NFXL1: variants seen among roughly 807,000 people sequenced by gnomAD.
The protein encoded by NFXL1 is NF-X1-type zinc finger protein NFXL1.
NFXL1 carries 66 observed loss-of-function variants against 123.3 expected under a neutral mutation model. The ratio of observed to expected loss-of-function variants is 0.54; its 90% CI spans 0.44 to 0.66. The LOEUF (loss-of-function observed/expected upper bound fraction) is 0.66, where lower values mean the gene tolerates loss of function less well. Among genes scored for constraint, NFXL1 ranks in the 30% least tolerant of loss-of-function variants. The pLI is 0.00. For synonymous variants in NFXL1, 346 were observed against 360.8 expected (o/e 0.96, Z 0.46); for missense variants, 944 against 1,125.6 (o/e 0.84, Z 2.31).
At chr4:47,885,225 C>T (rs1461033783) in intron 14 of NFXL1, among the ~76,000 whole-genome samples, 1 of 151,370 alleles carries the variant, frequency 6.6e-6, no homozygotes, top group African/African-American at 2.4e-5. Flanking sequence ...ATATCTATAA[C>T]CCTAAACCAC....
intron 18 of NFXL1, among the ~76,000 whole-genome samples, chr4:47,865,449 GAC>G (rs1295040961): frequency 2.1e-5 from 3 of 144,708 alleles, no homozygotes; most frequent in East Asian, 2.1e-4. Flanking sequence ...ACAACTAGAA[GAC>G]ACAAATTTCT....
At chr4:47,896,047 G>C (rs1216425144) in intron 10 of NFXL1, among the ~76,000 whole-genome samples, 1 of 152,200 alleles carries the variant, frequency 6.6e-6, no homozygotes, top group Non-Finnish European at 1.5e-5. Flanking sequence ...CAGTAGAGCA[G>C]TCAGAACACA....
chr4:47,851,762 T>C, intron 21 of NFXL1, 94 bp downstream of exon 21: 1 of 780,322 alleles, frequency 1.3e-6, no homozygotes, highest in South Asian at 1.8e-5. Context: ...AGCAAAAAAA[T>C]GAGATTTCAA....
intron 15 of NFXL1, chr4:47,882,134 C>T (rs1187244421): frequency 6.6e-6 from 1 of 151,528 alleles, no homozygotes; most frequent in Non-Finnish European, 1.5e-5. Context: ...TATGGGGGCA[C>T]ACATAGGAAC....
rs77687745 is a variant in NFXL1, at chr4:47,876,254, G to A, written c.2080-961C>T. 5.6e-3 allele frequency among the ~76,000 whole-genome samples: 853 copies of A among 152,218 alleles called. 4 individuals are homozygous for A. Among genetic ancestry groups the A allele is most frequent in the African/African-American group, 0.019 (799 of 41,546 alleles). ...GCTCCTGGAACTTACATTTATGTGA[G>A]GAGGTAAAGAACATGAATATAATGT... On this transcript the variant is annotated intron_variant, in intron 17 of 22. Transcript: ENST00000507489.
At position 47,899,522 on chromosome 4, in the gene NFXL1, C is replaced by A. The variant is rs748435451; in HGVS notation, c.674G>T (p.Arg225Leu). Residue 225 changes from arginine (R) to leucine (L), a missense_variant, in exon 6 of 23, where the codon CGA becomes CTA. Around this residue, in one of 4 missense-constraint regions of NFXL1, gnomAD observed 303 missense variants for 292.1 expected, o/e 1.04. Coordinates refer to ENST00000507489, the MANE Select transcript of NFXL1 (RefSeq NM_001278624.2). ...PCPKCRFEYK[R>L]SETPSRYYCY... ...ATAGTACCTACTAGGTGTTTCAGATCGTTTGTATTCAAACCTACATTTTGG... is the reference window on the plus strand; with the variant it reads ...ATAGTACCTACTAGGTGTTTCAGATAGTTTGTATTCAAACCTACATTTTGG... 1.2e-6 allele frequency: 2 copies of A among 1,611,764 alleles called. No homozygotes were observed. The highest frequency in any genetic ancestry group is 1.7e-6 in the Non-Finnish European group (2 of 1,178,398).
chr4:47,896,752 C>T, intron 9 of NFXL1, 105 bp from the exon 10 acceptor site: 1 of 673,488 alleles, frequency 1.5e-6, no homozygotes, highest in Non-Finnish European at 2.4e-6. Flanking sequence ...CACTTTCAGA[C>T]TATAAATTTT....
chr4:47,855,193 A>G (rs369328935), intron 19 of NFXL1, 30 bp from the exon 20 acceptor site: 13 of 1,270,700 alleles, frequency 1.0e-5, no homozygotes, highest in South Asian at 8.8e-5. Flanking sequence ...AAGCAATTAC[A>G]TACTTACATC....
Position 47,878,611 on chromosome 4 carries a change from C to T in NFXL1, c.1993G>A (p.Gly665Arg). ...TGATTCTGACAATCCAAGATTCTTCCACAAACTCTTTTACAAGAGTAGGGT... is the reference window on the plus strand; with the variant it reads ...TGATTCTGACAATCCAAGATTCTTCTACAAACTCTTTTACAAGAGTAGGGT... Reference protein sequence around the residue: ...VGPYSCKRVCGRILDCQNHTC... With the variant: ...VGPYSCKRVCRRILDCQNHTC... Residue 665 changes from glycine (G) to arginine (R), a missense_variant, in exon 17 of 23, where the codon GGA becomes AGA. By Grantham distance (125) the Gly-to-Arg change is moderately radical (BLOSUM62 -2). This residue lies in a region of NFXL1 where 301 missense variants were observed against 348.0 expected (regional missense o/e 0.86). Coordinates refer to ENST00000507489, the MANE Select transcript of NFXL1 (RefSeq NM_001278624.2). 1 of 1,606,904 alleles carries T rather than the reference C, an allele frequency of 6.2e-7. No individual in the cohort carries two copies. The highest frequency in any genetic ancestry group is 8.5e-7 in the Non-Finnish European group (1 of 1,176,310).
chr4:47,881,144 C>T (rs959316780), intron 15 of NFXL1, among the ~76,000 whole-genome samples: 2 of 151,842 alleles, frequency 1.3e-5, no homozygotes, highest in African/African-American at 4.8e-5. Context: ...ACTATAGTTA[C>T]AGATAACGAT....
At chr4:47,855,969 C>T (rs1734385011) in intron 19 of NFXL1, among the ~76,000 whole-genome samples, 1 of 152,122 alleles carries the variant, frequency 6.6e-6, no homozygotes, top group South Asian at 2.1e-4. Flanking sequence ...TCTGCCTATA[C>T]ATAAATACAT....
chr4:47,884,502 C>A, intron 14 of NFXL1, 65 bp from the exon 15 acceptor site: 1 of 998,902 alleles, frequency 1.0e-6, no homozygotes, highest in Non-Finnish European at 1.5e-6. Context: ...TTTTAAGAAT[C>A]TAAGAAAATA....
At chr4:47,896,368 C>T (rs918497134) in intron 10 of NFXL1, among the ~76,000 whole-genome samples, 155 bp downstream of exon 10, 1 of 152,132 alleles carries the variant, frequency 6.6e-6, no homozygotes, top group Admixed American at 6.5e-5. Flanking sequence ...CCTGTATTCT[C>T]CTGCTTCTTA....
chr4:47,877,213 T>C (rs1735809500), intron 17 of NFXL1: 1 of 456,412 alleles, frequency 2.2e-6, no homozygotes, highest in African/African-American at 2.0e-5. Context: ...AGAGTATACT[T>C]AGAATATGAG....
chr4:47,914,045 T>A lies in NFXL1; in HGVS notation c.159A>T (p.Gly53=). ...TCCCTGCAGCCGCCGTGGTCGCGAC[T>A]CCTCCGGGACTGGTGCCAGAAGGAA... ...GAVPSGTSPG[G]VATTAAAGSR... is the part of the protein sequence containing the mutation. Residue 53 remains glycine, a synonymous_variant, in exon 2 of 23, where the codon GGA becomes GGT. Coordinates refer to ENST00000507489, the MANE Select transcript of NFXL1 (RefSeq NM_001278624.2). 6.5e-7 allele frequency: 1 copy of A among 1,549,534 alleles called. No homozygotes were observed. Among genetic ancestry groups the A allele is most frequent in the Non-Finnish European group, 8.7e-7 (1 of 1,146,922 alleles).
At chr4:47,878,232 A>G (rs923560362) in intron 17 of NFXL1, among the ~76,000 whole-genome samples, 10 of 152,094 alleles carry the variant, frequency 6.6e-5, no homozygotes, top group African/African-American at 2.4e-4. Flanking sequence ...AAGAAGATAC[A>G]TAACCTATGT....
intron 15 of NFXL1, among the ~76,000 whole-genome samples, chr4:47,880,588 CTA>C (rs773258446): frequency 7.9e-5 from 12 of 151,666 alleles, no homozygotes; most frequent in Non-Finnish European, 1.3e-4. Flanking sequence ...TGTGGAAACT[CTA>C]TGTGGAACAC....
intron 10 of NFXL1, among the ~76,000 whole-genome samples, chr4:47,896,096 G>C (rs1207737665): frequency 1.3e-5 from 2 of 152,134 alleles, no homozygotes; most frequent in African/African-American, 4.8e-5. Context: ...GTCTAATAGA[G>C]GCATGGTTTG....
Position 47,885,356 on chromosome 4 carries a change from A to C in NFXL1, c.1824+142T>G, listed in dbSNP as rs1736363314. On this transcript the variant is annotated intron_variant, in intron 14 of 22. Coordinates refer to ENST00000507489, the MANE Select transcript of NFXL1 (RefSeq NM_001278624.2). ...ACTGTGAGTTGCTTAAAACAAAATCAAGTCTTGATTACCTTGTACCCTGCT... is the reference window on the plus strand; with the variant it reads ...ACTGTGAGTTGCTTAAAACAAAATCCAGTCTTGATTACCTTGTACCCTGCT... 1.3e-5 allele frequency: 8 copies of C among 627,186 alleles called. No homozygotes were observed. The South Asian group carries it at 2.3e-4, about 18-fold the overall frequency. 38.9% of individuals were successfully genotyped at this position (627,186 alleles called of 1,614,324 possible).
Sources: allele counts gnomAD v4.1 joint callset (sites outside exome capture counted in the v4.1 genomes callset), GRCh38; gene constraint gnomAD v4.1.1; regional missense constraint gnomAD v4.1.1; transcripts MANE v1.5; gene names NCBI Gene and HGNC (gene_info 2026-07-23, HGNC 2026-07-21).